MBD5: variants seen among roughly 807,000 people sequenced by gnomAD.
MBD5 encodes the protein methyl-CpG-binding domain protein 5.
In MBD5, 13 loss-of-function variants were observed where a neutral mutation model predicts 117.3. The observed-to-expected ratio is 0.11, with a 90% CI of 0.07 to 0.18. The LOEUF is 0.18. MBD5 is among the 10% of genes least tolerant of loss of function. The pLI, the probability that MBD5 is intolerant of heterozygous loss-of-function variation, is 1.00. For missense variants in MBD5, 1,879 were observed against 2,093.8 expected (o/e 0.90, Z 2.00); for synonymous variants, 727 against 766.4 (o/e 0.95, Z 0.85).
At chr2:148,466,618 C>T (rs6755778) in intron 7 of MBD5, among the ~76,000 whole-genome samples, 127,761 of 152,156 alleles carry the variant, frequency 0.84, 55,688 homozygotes, top group South Asian at 0.98. Flanking sequence ...AAAATATTAA[C>T]GTTTTTCATT....
chr2:148,398,764 T>G (rs1036849837), intron 4 of MBD5, among the ~76,000 whole-genome samples: 1 of 152,250 alleles, frequency 6.6e-6, no homozygotes, highest in African/African-American at 2.4e-5. Flanking sequence ...TAGGTTTTCT[T>G]CTAGGGATTT....
intron 3 of MBD5, among the ~76,000 whole-genome samples, chr2:148,305,079 A>T (rs908389242): frequency 8.2e-5 from 12 of 145,890 alleles, no homozygotes; most frequent in African/African-American, 3.3e-4. Flanking sequence ...AAAAAAAAAT[A>T]AAATAAAATA....
chr2:148,352,440 A>C (rs1703269598), intron 4 of MBD5, among the ~76,000 whole-genome samples: 1 of 152,188 alleles, frequency 6.6e-6, no homozygotes, highest in South Asian at 2.1e-4. Context: ...CAAGTTAGTG[A>C]CATTGATACA....
intron 2 of MBD5, among the ~76,000 whole-genome samples, chr2:148,231,717 CT>C (rs1272794564): frequency 2.2e-4 from 34 of 152,270 alleles, no homozygotes; most frequent in Non-Finnish European, 3.8e-4. Context: ...CTTCAGGGTG[CT>C]TTCCCAGACG....
chr2:148,466,324 CT>C (rs889411832), intron 7 of MBD5, among the ~76,000 whole-genome samples: 30 of 152,170 alleles, frequency 2.0e-4, no homozygotes, highest in Non-Finnish European at 3.8e-4. Flanking sequence ...ATCAGCCTGA[CT>C]TTTGTTTATT....
chr2:148,185,731 C>G (rs779993212), intron 2 of MBD5, among the ~76,000 whole-genome samples: 1 of 152,026 alleles, frequency 6.6e-6, no homozygotes, highest in Non-Finnish European at 1.5e-5. Context: ...ATGAGGCCTC[C>G]TCTCTACTAA....
intron 1 of MBD5, among the ~76,000 whole-genome samples, chr2:148,173,125 G>A (rs983062152): frequency 6.6e-6 from 1 of 152,104 alleles, no homozygotes; most frequent in African/African-American, 2.4e-5. Context: ...GCTAAAACAC[G>A]CCCCCCACTC....
chr2:148,315,909 G>A (rs1327817439), intron 3 of MBD5, among the ~76,000 whole-genome samples: 1 of 152,110 alleles, frequency 6.6e-6, no homozygotes, highest in Non-Finnish European at 1.5e-5. Flanking sequence ...CCTAAGACTG[G>A]GTACTTCATA....
intron 4 of MBD5, among the ~76,000 whole-genome samples, chr2:148,400,469 G>A (rs1704884829): frequency 6.6e-6 from 1 of 152,150 alleles, no homozygotes; most frequent in Non-Finnish European, 1.5e-5. Flanking sequence ...TCAGAAACTG[G>A]TTATAATGAG....
At chr2:148,316,072 G>A (rs143439422) in intron 3 of MBD5, among the ~76,000 whole-genome samples, 88 of 152,236 alleles carry the variant, frequency 5.8e-4, no homozygotes, top group Non-Finnish European at 9.1e-4. Flanking sequence ...AAAGAGGCTG[G>A]TGCTACATAC....
chr2:148,490,840 CA>C (rs1681502146), intron 11 of MBD5: 2 of 518,398 alleles, frequency 3.9e-6, no homozygotes, highest in South Asian at 4.4e-5. Flanking sequence ...GGCTGTAAGC[CA>C]GGAACCAGAT....
intron 1 of MBD5, among the ~76,000 whole-genome samples, chr2:148,151,273 T>C (rs1315610985): frequency 6.6e-6 from 1 of 152,008 alleles, no homozygotes; most frequent in African/African-American, 2.4e-5. Context: ...GAACCAGCCT[T>C]GCATCCCAGG....
At chr2:148,112,039 C>G (rs1696514537) in intron 1 of MBD5, among the ~76,000 whole-genome samples, 1 of 151,996 alleles carries the variant, frequency 6.6e-6, no homozygotes, top group South Asian at 2.1e-4. Flanking sequence ...GAAACTGAAA[C>G]CATGGAAAAG....
At chr2:148,396,470 G>GGATATTCTT (rs1432415431) in intron 4 of MBD5, among the ~76,000 whole-genome samples, 2 of 152,150 alleles carry the variant, frequency 1.3e-5, no homozygotes, top group Admixed American at 6.6e-5. Context: ...CATAACCTCT[G>GGATATTCTT]GATATTCTTT....
intron 4 of MBD5, among the ~76,000 whole-genome samples, chr2:148,362,028 G>A (rs541121171): frequency 6.6e-6 from 1 of 152,284 alleles, no homozygotes; most frequent in African/African-American, 2.4e-5. Flanking sequence ...TACACCACCA[G>A]GGCCCTGGGT....
At chr2:148,436,459 G>A (rs1218258989) in intron 4 of MBD5, among the ~76,000 whole-genome samples, 2 of 151,950 alleles carry the variant, frequency 1.3e-5, no homozygotes, top group Non-Finnish European at 2.9e-5. Flanking sequence ...TGCAACCTCC[G>A]CCTCCTGGGT....
chr2:148,051,141 G>A (rs1573955575), intron 1 of MBD5, among the ~76,000 whole-genome samples: 1 of 151,916 alleles, frequency 6.6e-6, no homozygotes, highest in South Asian at 2.1e-4. Context: ...TACACTTCTT[G>A]GCTAAATTTA....
At chr2:148,316,308 A>G (rs1702156532) in intron 3 of MBD5, among the ~76,000 whole-genome samples, 1 of 152,198 alleles carries the variant, frequency 6.6e-6, no homozygotes, top group Admixed American at 6.5e-5. Context: ...CTTGATACTT[A>G]TTATATAATA....
intron 1 of MBD5, among the ~76,000 whole-genome samples, chr2:148,042,850 G>C (rs1573944323): frequency 6.6e-6 from 1 of 152,122 alleles, no homozygotes; most frequent in African/African-American, 2.4e-5. Context: ...GGATCGATCT[G>C]GTAGCTAGTC....
Sources: allele counts gnomAD v4.1 joint callset (sites outside exome capture counted in the v4.1 genomes callset), GRCh38; gene constraint gnomAD v4.1.1; transcripts MANE v1.5; gene names NCBI Gene and HGNC (gene_info 2026-07-23, HGNC 2026-07-21).